The following KIAA1671 variants were observed in gnomAD, a reference collection of about 807,000 sequenced individuals.
KIAA1671 encodes KIAA1671.
Under a neutral mutation model 131.2 loss-of-function variants are expected in KIAA1671, and 52 were observed. The ratio of observed to expected loss-of-function variants is 0.40; its 90% CI spans 0.32 to 0.50. KIAA1671 has a LOEUF of 0.50. Ranked by LOEUF, KIAA1671 falls within the 20% of genes least tolerant of loss-of-function variation. The probability of loss-of-function intolerance (pLI) is 0.73; values close to 1 mark genes in which losing one functional copy is unlikely to be tolerated. For synonymous variants in KIAA1671, 1,003 were observed against 961.6 expected, an observed-to-expected ratio of 1.04 and a Z score of -0.80; for missense variants, 2,360 against 2,364.2, an observed-to-expected ratio of 1.00 and a Z score of 0.04.
At chr22:25,019,075 T>TGC (rs1204579785) in intron 1 of KIAA1671, among the ~76,000 whole-genome samples, 15 of 151,488 alleles carry the variant, frequency 9.9e-5, no homozygotes, top group Non-Finnish European at 1.6e-4. Flanking sequence ...TGTGTGTGTG[T>TGC]GTGTGTGTGT....
chr22:25,193,823 GATC>G lies in KIAA1671; in HGVS notation c.*1425_*1427del, dbSNP rs1934744581. The G allele has an allele frequency of 6.6e-6, 1 of 152,226 alleles. No individual in the cohort carries two copies. The allele number at this position is 152,226 out of a possible 1,614,324, so 9.4% of individuals were successfully genotyped here. A position where few individuals can be genotyped will look rare whatever the true frequency, so the allele number is the denominator to read the frequency against. Reference sequence around the variant, plus strand: ...TTTGGTTACTGATGAGCAATTGCCAGATCATGTCACCCACCCAGCCTTTTACAC... The same window carrying G: ...TTTGGTTACTGATGAGCAATTGCCAGATGTCACCCACCCAGCCTTTTACAC... On this transcript the variant is annotated 3_prime_UTR_variant, in exon 13 of 13. Coordinates refer to ENST00000358431, the MANE Select transcript of KIAA1671 (RefSeq NM_001145206.2).
chr22:25,182,736 A>G (rs959431913), intron 10 of KIAA1671, among the ~76,000 whole-genome samples: 13 of 152,156 alleles, frequency 8.5e-5, no homozygotes, highest in African/African-American at 2.4e-4. Context: ...TTATCTGTAA[A>G]GTGGGCTGAG....
At position 25,093,834 on chromosome 22, in the gene KIAA1671, GTCTGTCTCTCTCTCTCTCTCTCTCTC is replaced by G. The variant is rs1930250521; in HGVS notation, c.4530+44474_4530+44499del. On this transcript the variant is annotated intron_variant, in intron 6 of 12. Transcript: ENST00000358431. ...TCTGTCTCTCTCTCTTTCTCTCTCT[GTCTGTCTCTCTCTCTCTCTCTCTCTC>G]TCTCTCTCTCTCTCTCTCTCTCTCT... is the stretch of plus-strand genomic sequence containing the variant. 2.3e-3 allele frequency among the ~76,000 whole-genome samples: 39 copies of G among 16,950 alleles called. 1 individual carries two copies. Among genetic ancestry groups the G allele is most frequent in the African/African-American group, 6.6e-3 (20 of 3,032 alleles). 11.1% of individuals were successfully genotyped at this position (16,950 alleles called of 152,430 possible).
chr22:25,091,673 A>T (rs968989520), intron 6 of KIAA1671, among the ~76,000 whole-genome samples: 5 of 152,298 alleles, frequency 3.3e-5, no homozygotes, highest in African/African-American at 1.2e-4. Context: ...TAATACAGTG[A>T]ATCATGTTCT....
intron 6 of KIAA1671, among the ~76,000 whole-genome samples, chr22:25,096,105 C>A (rs1489928625): frequency 6.6e-6 from 1 of 152,192 alleles, no homozygotes; most frequent in African/African-American, 2.4e-5. Flanking sequence ...GAGAAAAAGC[C>A]TAGAGCTCCT....
intron 7 of KIAA1671, 144 bp downstream of exon 7, chr22:25,171,082 A>G (rs1023565275): frequency 1.5e-6 from 1 of 685,694 alleles, no homozygotes; most frequent in Admixed American, 2.9e-5. Context: ...TAAAAAGGAA[A>G]TTAGGAAGTA....
At chr22:25,032,805 C>G in intron 4 of KIAA1671, 109 bp downstream of exon 4, 1 of 564,974 alleles carries the variant, frequency 1.8e-6, no homozygotes, top group Non-Finnish European at 3.1e-6. Context: ...AGAAACATGT[C>G]ATGCACACGA....
chr22:25,093,856 C>CTG (rs1568951712), intron 6 of KIAA1671, among the ~76,000 whole-genome samples: 2 of 107,052 alleles, frequency 1.9e-5, no homozygotes, highest in African/African-American at 3.4e-5. Flanking sequence ...CTCTCTCTCT[C>CTG]TCTCTCTCTC....
chr22:24,972,893 T>C (rs1922700248), intron 1 of KIAA1671, among the ~76,000 whole-genome samples: 1 of 152,142 alleles, frequency 6.6e-6, no homozygotes, highest in African/African-American at 2.4e-5. Context: ...AAGAAGGTAA[T>C]GTGGAAGACG....
chr22:25,053,147 T>TG (rs1927631483), intron 6 of KIAA1671: 1 of 151,980 alleles, frequency 6.6e-6, no homozygotes, highest in Admixed American at 6.6e-5. Flanking sequence ...TGTAGGGAAG[T>TG]GTCTTGTGTA....
At chr22:25,118,524 C>G (rs1482402976) in intron 6 of KIAA1671, among the ~76,000 whole-genome samples, 2 of 152,144 alleles carry the variant, frequency 1.3e-5, no homozygotes, top group African/African-American at 4.8e-5. Flanking sequence ...CTTCTGGGCT[C>G]AAGGGATCCA....
At chr22:24,960,210 AG>A (rs1334480051) in intron 1 of KIAA1671, among the ~76,000 whole-genome samples, 1 of 151,990 alleles carries the variant, frequency 6.6e-6, no homozygotes, top group Non-Finnish European at 1.5e-5. Context: ...AAATAGATTT[AG>A]GTACTTTCCC....
intron 12 of KIAA1671, among the ~76,000 whole-genome samples, chr22:25,191,963 A>T (rs4822570): frequency 2.0e-5 from 3 of 151,918 alleles, no homozygotes; most frequent in Non-Finnish European, 2.9e-5. Context: ...ATATGTATAT[A>T]TATACATATG....
chr22:25,150,836 C>CTTTTTT (rs1324671566), intron 6 of KIAA1671, among the ~76,000 whole-genome samples: 1 of 125,924 alleles, frequency 7.9e-6, no homozygotes, highest in Admixed American at 8.0e-5. Flanking sequence ...GGGTCCTTTG[C>CTTTTTT]TTTTTTTTTT....
intron 6 of KIAA1671, among the ~76,000 whole-genome samples, chr22:25,142,976 C>T (rs886837160): frequency 2.6e-5 from 4 of 152,238 alleles, no homozygotes; most frequent in Admixed American, 6.5e-5. Flanking sequence ...GCTGCGCTTC[C>T]GTTCTCAAAC....
At chr22:25,182,529 AC>A (rs1234093760) in intron 10 of KIAA1671, among the ~76,000 whole-genome samples, 1 of 151,908 alleles carries the variant, frequency 6.6e-6, no homozygotes, top group Non-Finnish European at 1.5e-5. Flanking sequence ...CATACCCTTC[AC>A]TCAGCTTCAC....
intron 6 of KIAA1671, among the ~76,000 whole-genome samples, chr22:25,111,565 C>T (rs1931345694): frequency 6.6e-6 from 1 of 152,220 alleles, no homozygotes; most frequent in Admixed American, 6.5e-5. Context: ...AGCCGCCTGC[C>T]GGCCGACAGG....
At chr22:25,132,993 T>G (rs1293766000) in intron 6 of KIAA1671, among the ~76,000 whole-genome samples, 1 of 141,930 alleles carries the variant, frequency 7.0e-6, no homozygotes, top group Non-Finnish European at 1.5e-5. Context: ...AGGCAGAGGT[T>G]GCAGTGAGCC....
chr22:24,998,939 GTT>G (rs2123857504), intron 1 of KIAA1671, among the ~76,000 whole-genome samples: 1 of 151,916 alleles, frequency 6.6e-6, no homozygotes, highest in African/African-American at 2.4e-5. Context: ...TGGTTTCCAG[GTT>G]TTGACTATTA....
Sources: allele counts gnomAD v4.1 joint callset (sites outside exome capture counted in the v4.1 genomes callset), GRCh38; gene constraint gnomAD v4.1.1; transcripts MANE v1.5; gene names NCBI Gene and HGNC (gene_info 2026-07-23, HGNC 2026-07-21).